FRMD6: variants seen among roughly 807,000 people sequenced by gnomAD.
FRMD6 encodes FERM domain-containing protein 6.
Under a neutral mutation model 73.2 loss-of-function variants are expected in FRMD6, and 37 were observed. That is an observed-to-expected ratio of 0.51 (90% CI 0.39 to 0.66). The LOEUF is 0.66. Ranked by LOEUF, FRMD6 falls within the 30% of genes least tolerant of loss-of-function variation. The probability of loss-of-function intolerance (pLI) is 0.00; values close to 1 mark genes in which losing one functional copy is unlikely to be tolerated. For missense variants in FRMD6, 714 were observed against 780.5 expected (o/e 0.91, Z 1.02); for synonymous variants, 273 against 282.2 (o/e 0.97, Z 0.33).
intron 1 of FRMD6, among the ~76,000 whole-genome samples, chr14:51,551,513 T>A (rs566540727): frequency 3.2e-4 from 49 of 152,284 alleles, no homozygotes; most frequent in African/African-American, 1.1e-3. Flanking sequence ...GGTGGTCAGA[T>A]TGCTTGAGCT....
upstream of FRMD6, among the ~76,000 whole-genome samples, chr14:51,484,433 C>T (rs1343158497): frequency 2.6e-5 from 4 of 152,106 alleles, no homozygotes; most frequent in Non-Finnish European, 5.9e-5. Context: ...AGACAGGGCC[C>T]TGGAAACTGT....
chr14:51,409,967 CA>C, the FRMD6 span, among the ~76,000 whole-genome samples: 6 of 152,162 alleles, frequency 3.9e-5, no homozygotes, highest in African/African-American at 9.7e-5. Context: ...ATGCTGATCA[CA>C]GGTCATATCT....
At chr14:51,430,982 G>A in the FRMD6 span, among the ~76,000 whole-genome samples, 1 of 152,176 alleles carries the variant, frequency 6.6e-6, no homozygotes, top group Non-Finnish European at 1.5e-5. Context: ...CATGTATGGA[G>A]TATGTATGTG....
At chr14:51,661,730 T>G (rs1331770019) in intron 1 of FRMD6, among the ~76,000 whole-genome samples, 3 of 152,204 alleles carry the variant, frequency 2.0e-5, no homozygotes, top group Admixed American at 2.0e-4. Flanking sequence ...GAGTCATTGG[T>G]GATGATGACA....
the FRMD6 span, among the ~76,000 whole-genome samples, chr14:51,419,556 C>G: frequency 3.9e-5 from 6 of 152,188 alleles, no homozygotes; most frequent in African/African-American, 1.4e-4. Context: ...TTGTAACAAT[C>G]TTCTTTAGGA....
intron 1 of FRMD6, among the ~76,000 whole-genome samples, chr14:51,517,534 A>G (rs935776277): frequency 6.6e-6 from 1 of 152,168 alleles, no homozygotes; most frequent in Non-Finnish European, 1.5e-5. Flanking sequence ...TTTCTCAGTC[A>G]TAACTCTCCA....
the FRMD6 span, among the ~76,000 whole-genome samples, chr14:51,439,624 T>A: frequency 6.6e-6 from 1 of 152,168 alleles, no homozygotes; most frequent in Non-Finnish European, 1.5e-5. Context: ...CACACGGTTT[T>A]GTAAAATTTC....
At chr14:51,701,192 A>AT (rs760785845) in intron 4 of FRMD6, 33 bp downstream of exon 4, 95 of 1,307,106 alleles carry the variant, frequency 7.3e-5, no homozygotes, top group South Asian at 2.9e-4. Flanking sequence ...AATTATTTTG[A>AT]TTTTTTTTAA....
At chr14:51,667,427 A>G (rs1893682561) in intron 1 of FRMD6, among the ~76,000 whole-genome samples, 1 of 152,236 alleles carries the variant, frequency 6.6e-6, no homozygotes, top group Non-Finnish European at 1.5e-5. Context: ...TGTGTGACCC[A>G]AAATATAGAG....
At chr14:51,428,628 G>A in the FRMD6 span, among the ~76,000 whole-genome samples, 1 of 152,156 alleles carries the variant, frequency 6.6e-6, no homozygotes, top group African/African-American at 2.4e-5. Flanking sequence ...GGGAGAGGGT[G>A]AGTGAACTTT....
the FRMD6 span, among the ~76,000 whole-genome samples, chr14:51,429,705 A>G: frequency 2.6e-5 from 4 of 152,174 alleles, no homozygotes; most frequent in South Asian, 8.3e-4. Flanking sequence ...TGACATTACT[A>G]CCTCTATGAT....
intron 2 of FRMD6, among the ~76,000 whole-genome samples, chr14:51,592,385 C>T (rs142730287): frequency 8.5e-5 from 13 of 152,258 alleles, no homozygotes; most frequent in African/African-American, 2.6e-4. Flanking sequence ...TAAAATTTCT[C>T]GTGTATAGAA....
At position 51,520,893 on chromosome 14, in the gene FRMD6, G is replaced by A. The variant is rs144193962; in HGVS notation, c.-210+31473G>A. On this transcript the variant is annotated intron_variant, in intron 1 of 14. Transcript: ENST00000356218. ...CCACTGCCCTCCAGCCTGGGCAATA[G>A]AGTGAGACCCTGTCTCAAAAATACG... 5.7e-4 allele frequency among the ~76,000 whole-genome samples: 87 copies of A among 152,194 alleles called. 2 individuals carry two copies. In the East Asian group the frequency reaches 0.016, roughly 28 times the overall value.
At chr14:51,516,981 G>C (rs1449110059) in intron 1 of FRMD6, among the ~76,000 whole-genome samples, 1 of 152,020 alleles carries the variant, frequency 6.6e-6, no homozygotes, top group Non-Finnish European at 1.5e-5. Context: ...CAATTGCCTT[G>C]GTTATAAACA....
At chr14:51,434,585 C>T in the FRMD6 span, among the ~76,000 whole-genome samples, 1 of 151,952 alleles carries the variant, frequency 6.6e-6, no homozygotes, top group Admixed American at 6.5e-5. Flanking sequence ...ACAATTCTTT[C>T]TTACAGTAGG....
At chr14:51,682,118 G>C (rs1307381308) in intron 1 of FRMD6, among the ~76,000 whole-genome samples, 2 of 151,958 alleles carry the variant, frequency 1.3e-5, no homozygotes, top group Non-Finnish European at 2.9e-5. Context: ...AATGAATTTT[G>C]CATTATTTCC....
At chr14:51,402,377 G>C in the FRMD6 span, among the ~76,000 whole-genome samples, 1 of 152,286 alleles carries the variant, frequency 6.6e-6, no homozygotes, top group East Asian at 1.9e-4. Flanking sequence ...AGACCCAGTG[G>C]GAGATGATTG....
At chr14:51,687,752 A>T (rs1159659995) in intron 1 of FRMD6, among the ~76,000 whole-genome samples, 1 of 152,166 alleles carries the variant, frequency 6.6e-6, no homozygotes, top group Non-Finnish European at 1.5e-5. Context: ...TGAGCACACA[A>T]ATTTGACCTG....
At chr14:51,701,683 ATAAT>A (rs1365147228) in intron 4 of FRMD6, among the ~76,000 whole-genome samples, 1 of 150,694 alleles carries the variant, frequency 6.6e-6, no homozygotes, top group Non-Finnish European at 1.5e-5. Flanking sequence ...CTTATAGAAA[ATAAT>A]AAATAGAATC....
Sources: gnomAD v4.1 joint callset for allele counts (sites outside exome capture counted in the v4.1 genomes callset) on GRCh38, gnomAD v4.1.1 for gene constraint, MANE v1.5 for transcripts, NCBI Gene and HGNC (gene_info 2026-07-23, HGNC 2026-07-21) for gene names.